The following UBXN2B variants were observed in gnomAD, a reference collection of about 807,000 sequenced individuals.
The protein encoded by UBXN2B is UBX domain protein 2B, also known as UBX domain-containing protein 2B.
Under a neutral mutation model 37.5 loss-of-function variants are expected in UBXN2B, and 19 were observed. The ratio of observed to expected loss-of-function variants is 0.51; its 90% CI spans 0.35 to 0.74. The LOEUF (loss-of-function observed/expected upper bound fraction) is 0.74, where lower values mean the gene tolerates loss of function less well. UBXN2B is among the 30% of genes least tolerant of loss of function. UBXN2B has a pLI of 0.01. For missense variants in UBXN2B, 370 were observed against 393.2 expected, an observed-to-expected ratio of 0.94 and a Z score of 0.50; for synonymous variants, 145 against 143.8, an observed-to-expected ratio of 1.01 and a Z score of -0.06.
At chr8:58,429,226 A>G (rs932672587) in intron 2 of UBXN2B, among the ~76,000 whole-genome samples, 5 of 152,024 alleles carry the variant, frequency 3.3e-5, no homozygotes, top group African/African-American at 7.3e-5. Context: ...TTTCCAGGGC[A>G]CTCCAGAGAG....
intron 5 of UBXN2B, among the ~76,000 whole-genome samples, chr8:58,437,958 C>CA (rs1258640974): frequency 6.6e-6 from 1 of 151,638 alleles, no homozygotes; most frequent in South Asian, 2.1e-4. Context: ...CAGCCCCCCC[C>CA]CCAACCCCCA....
In UBXN2B at chr8:58,447,534, C is replaced by T. The variant is rs200167918; in HGVS notation, c.979C>T (p.Leu327Phe). ...AGCAGATATTCTTAACACTGTGTTACTCCAGCAACTAAAATAATATTGTTC... is the reference window on the plus strand; with the variant it reads ...AGCAGATATTCTTAACACTGTGTTATTCCAGCAACTAAAATAATATTGTTC... ...LEADILNTVLLQQLK is the reference protein window; with the variant it reads ...LEADILNTVLFQQLK The change falls in exon 8 of 8, where the codon CTC (leucine) becomes TTC (phenylalanine). Residue 327 changes from leucine to phenylalanine, a missense_variant. Leu to Phe is a conservative substitution (Grantham distance 22). Transcript: ENST00000399598. 412 of 1,610,116 alleles carry T rather than the reference C, an allele frequency of 2.6e-4. 1 individual carries two copies. The highest frequency in any genetic ancestry group is 3.1e-4 in the Non-Finnish European group (370 of 1,177,662).
intron 1 of UBXN2B, among the ~76,000 whole-genome samples, chr8:58,412,553 G>A (rs781485608): frequency 3.9e-5 from 6 of 152,232 alleles, no homozygotes; most frequent in Non-Finnish European, 5.9e-5. Flanking sequence ...ACTTAATGTA[G>A]AATAGTTCCA....
intron 1 of UBXN2B, among the ~76,000 whole-genome samples, chr8:58,414,825 C>G (rs529458095): frequency 4.6e-5 from 7 of 152,196 alleles, no homozygotes; most frequent in African/African-American, 1.7e-4. Flanking sequence ...CCTCATATTC[C>G]TCTTTTCTTA....
chr8:58,437,587 T>C (rs1030665004), intron 5 of UBXN2B, among the ~76,000 whole-genome samples: 8 of 152,096 alleles, frequency 5.3e-5, no homozygotes, highest in African/African-American at 1.9e-4. Flanking sequence ...CCTCCCAAAG[T>C]GCTGGGATTA....
intron 1 of UBXN2B, among the ~76,000 whole-genome samples, chr8:58,412,480 A>C (rs1014571714): frequency 1.3e-5 from 2 of 152,238 alleles, no homozygotes; most frequent in Admixed American, 6.5e-5. Context: ...GGGTGCCAAA[A>C]TAAGCAGTGC....
intron 2 of UBXN2B, among the ~76,000 whole-genome samples, chr8:58,427,309 A>G (rs1298745738): frequency 1.3e-5 from 2 of 152,092 alleles, no homozygotes; most frequent in African/African-American, 4.8e-5. Flanking sequence ...CATCTCTACA[A>G]AAAAATAGCC....
chr8:58,447,528 G>T lies in UBXN2B; in HGVS notation c.973G>T (p.Val325Leu). 6.2e-7 allele frequency: 1 copy of T among 1,610,718 alleles called. No individual in the cohort carries two copies. The highest frequency in any genetic ancestry group is 8.5e-7 in the Non-Finnish European group (1 of 1,178,052). The change falls in exon 8 of 8, where the codon GTG (valine) becomes TTG (leucine). Residue 325 changes from valine to leucine, a missense_variant. Physicochemically the swap from Val to Leu is conservative, Grantham distance 32. Coordinates refer to ENST00000399598, the MANE Select transcript of UBXN2B (RefSeq NM_001077619.2). The part of the protein sequence containing the change: ...TLLEADILNT[V>L]LLQQLK ...GCTAGAAGCAGATATTCTTAACACT[G>T]TGTTACTCCAGCAACTAAAATAATA...
Position 58,413,767 on chromosome 8 carries a change from G to GT in UBXN2B, c.84+2305dup, listed in dbSNP as rs559158264. 6.8e-4 allele frequency among the ~76,000 whole-genome samples: 103 copies of GT among 152,188 alleles called. 3 individuals carry two copies. Among genetic ancestry groups the GT allele is most frequent in the African/African-American group, 2.3e-3 (95 of 41,520 alleles). ...GGTTACAAACTGCAGACTCGGAAATGTTTTTTTGCATATCAGAGTAGATTT... is the reference window on the plus strand; with the variant it reads ...GGTTACAAACTGCAGACTCGGAAATGTTTTTTTTGCATATCAGAGTAGATTT... On this transcript the variant is annotated intron_variant, in intron 1 of 7. Transcript: ENST00000399598.
rs1433093952 is a variant in UBXN2B at position 58,450,093 on chromosome 8, T to C, written c.*2542T>C. On this transcript the variant is annotated 3_prime_UTR_variant, in exon 8 of 8. Transcript: ENST00000399598. ...AGACCTTTTGATGTTTCTGAAGTAT[T>C]AGCAAAAGGTTATACAGCCATATCT... 1 of 152,238 alleles carries C rather than the reference T, an allele frequency of 6.6e-6. No individual in the cohort carries two copies. 9.4% of individuals were successfully genotyped at this position (152,238 alleles called of 1,614,324 possible).
chr8:58,441,220 C>G (rs1384178503), intron 6 of UBXN2B, among the ~76,000 whole-genome samples: 17 of 151,556 alleles, frequency 1.1e-4, no homozygotes, highest in Admixed American at 1.1e-3. Flanking sequence ...TCTTGAATTC[C>G]TGGCCTCAAG....
intron 6 of UBXN2B, among the ~76,000 whole-genome samples, chr8:58,442,886 ATTGTGC>A (rs1347589050): frequency 1.3e-5 from 2 of 152,178 alleles, no homozygotes; most frequent in Non-Finnish European, 2.9e-5. Context: ...TCTTCAAAAG[ATTGTGC>A]TTGCCACTCT....
At chr8:58,443,624 C>G (rs1227534191) in intron 6 of UBXN2B, among the ~76,000 whole-genome samples, 2 of 143,130 alleles carry the variant, frequency 1.4e-5, no homozygotes, top group Non-Finnish European at 3.0e-5. Context: ...GAAACCCCAT[C>G]TCTACTAAAA....
intron 2 of UBXN2B, among the ~76,000 whole-genome samples, chr8:58,421,884 T>C (rs1035048900): frequency 6.6e-6 from 1 of 152,202 alleles, no homozygotes; most frequent in Non-Finnish European, 1.5e-5. Flanking sequence ...GAAATCAATA[T>C]AACAAACAAA....
intron 7 of UBXN2B, among the ~76,000 whole-genome samples, chr8:58,446,610 T>C (rs1269974622): frequency 2.6e-5 from 4 of 151,916 alleles, no homozygotes; most frequent in Admixed American, 2.0e-4. Flanking sequence ...GATATATTTA[T>C]GATTTTGGTT....
chr8:58,417,952 A>C (rs1263353272), intron 2 of UBXN2B, among the ~76,000 whole-genome samples: 1 of 152,172 alleles, frequency 6.6e-6, no homozygotes, highest in Admixed American at 6.5e-5. Context: ...AATTAATAGT[A>C]ATTCAGGCGG....
chr8:58,441,128 A>G (rs1010022438), intron 6 of UBXN2B, among the ~76,000 whole-genome samples: 2 of 151,398 alleles, frequency 1.3e-5, no homozygotes, highest in Non-Finnish European at 2.9e-5. Context: ...GACTGGGACT[A>G]TAGGCACTGC....
intron 6 of UBXN2B, among the ~76,000 whole-genome samples, chr8:58,440,997 C>CT (rs201097674): frequency 0.024 from 3,492 of 143,516 alleles, 76 homozygotes; most frequent in East Asian, 0.11. Context: ...CTTTCTTTCT[C>CT]TTTTTTTTTT....
At position 58,446,108 on chromosome 8, in the gene UBXN2B, TAC is replaced by T. The variant is rs1563469141; in HGVS notation, c.833+43_833+44del. 12 of 1,545,928 alleles carry T rather than the reference TAC, an allele frequency of 7.8e-6. 1 individual carries two copies. The highest frequency in any genetic ancestry group is 1.0e-5 in the Non-Finnish European group (12 of 1,149,798). On this transcript the variant is annotated intron_variant, in intron 7 of 7. Coordinates refer to ENST00000399598, the MANE Select transcript of UBXN2B (RefSeq NM_001077619.2). ...CAACAGTGTCCTGTTTGCTGTTATATACACTGGATTGCTTATCTAAGTAGAAC... is the reference window on the plus strand; with the variant it reads ...CAACAGTGTCCTGTTTGCTGTTATATACTGGATTGCTTATCTAAGTAGAAC...
Sources: gnomAD v4.1 joint callset for allele counts (sites outside exome capture counted in the v4.1 genomes callset) on GRCh38, gnomAD v4.1.1 for gene constraint, MANE v1.5 for transcripts, NCBI Gene and HGNC (gene_info 2026-07-23, HGNC 2026-07-21) for gene names.